EYA2: variants seen among roughly 807,000 people sequenced by gnomAD.
EYA2 encodes protein phosphatase EYA2.
In EYA2, 31 loss-of-function variants were observed where a neutral mutation model predicts 69.2. That is an observed-to-expected ratio of 0.45 (90% CI 0.34 to 0.60). The LOEUF (loss-of-function observed/expected upper bound fraction) is 0.60. Among genes scored for constraint, EYA2 ranks in the 20% least tolerant of loss-of-function variants. The pLI is 0.02. For missense variants in EYA2, 622 were observed against 701.2 expected (o/e 0.89, Z 1.28); for synonymous variants, 257 against 279.4 (o/e 0.92, Z 0.80).
chr20:46,915,439 G>A (rs1984859487), intron 1 of EYA2, among the ~76,000 whole-genome samples: 1 of 152,162 alleles, frequency 6.6e-6, no homozygotes, highest in South Asian at 2.1e-4. Context: ...TGTTATCTAG[G>A]CCAGCCTTTG....
chr20:47,066,620 C>T (rs1480235627), intron 5 of EYA2, among the ~76,000 whole-genome samples: 1 of 152,158 alleles, frequency 6.6e-6, no homozygotes, highest in Non-Finnish European at 1.5e-5. Flanking sequence ...TGCCACTGCC[C>T]TTCAAAATTT....
intron 1 of EYA2, among the ~76,000 whole-genome samples, chr20:46,980,731 A>G (rs1053649988): frequency 1.3e-5 from 2 of 152,112 alleles, no homozygotes; most frequent in African/African-American, 4.8e-5. Context: ...GTATATTTGT[A>G]CCCATTAATC....
intron 1 of EYA2, among the ~76,000 whole-genome samples, chr20:46,924,712 C>G (rs1985339414): frequency 6.8e-6 from 1 of 147,912 alleles, no homozygotes; most frequent in African/African-American, 2.5e-5. Flanking sequence ...TGGGTAATTC[C>G]TTTCCTCTAA....
intron 8 of EYA2, chr20:47,095,991 A>G (rs186042833): frequency 6.0e-4 from 91 of 152,374 alleles, no homozygotes; most frequent in African/African-American, 2.1e-3. Flanking sequence ...GATATCTCCA[A>G]TACAGAGTGT....
chr20:47,023,315 A>G (rs1983867782), intron 5 of EYA2, among the ~76,000 whole-genome samples: 1 of 152,218 alleles, frequency 6.6e-6, no homozygotes, highest in Non-Finnish European at 1.5e-5. Context: ...TATAACTCGG[A>G]AGTTGCATTG....
intron 7 of EYA2, among the ~76,000 whole-genome samples, chr20:47,074,910 G>A (rs1302727433): frequency 2.0e-5 from 3 of 152,144 alleles, no homozygotes; most frequent in East Asian, 1.9e-4. Flanking sequence ...TCAGGAGTTC[G>A]AGACCAGCCT....
At chr20:46,945,515 G>A (rs950303460) in intron 1 of EYA2, among the ~76,000 whole-genome samples, 9 of 152,228 alleles carry the variant, frequency 5.9e-5, no homozygotes, top group Non-Finnish European at 8.8e-5. Context: ...CTTAGTGTTT[G>A]CTAAGCCCTC....
chr20:47,148,721 G>A (rs918045634), intron 10 of EYA2, among the ~76,000 whole-genome samples: 20 of 152,184 alleles, frequency 1.3e-4, no homozygotes, highest in Admixed American at 1.3e-4. Context: ...CCTCTGAAAT[G>A]TCACCTGGGT....
intron 2 of EYA2, among the ~76,000 whole-genome samples, chr20:46,995,700 A>G (rs1981975711): frequency 6.6e-6 from 1 of 152,222 alleles, no homozygotes; most frequent in African/African-American, 2.4e-5. Flanking sequence ...CCTGGGGTCC[A>G]ATTAGGCAAC....
rs550663992 is a variant in EYA2, at chr20:47,039,046, G to A, written c.415+22749G>A. On this transcript the variant is annotated intron_variant, in intron 5 of 15. Transcript: ENST00000327619. ...CTGGCTGAGCCGCAAGAGGCTTGGG[G>A]CCAAGAACTGTGTCCTGTCCCTGAA... Among the ~76,000 whole-genome samples the A allele has an allele frequency of 2.0e-5, 3 of 152,238 alleles. No individual in the cohort carries two copies. In the South Asian group the frequency reaches 6.2e-4, roughly 32 times the overall value.
intron 1 of EYA2, among the ~76,000 whole-genome samples, chr20:46,961,556 A>G (rs1367636629): frequency 2.6e-5 from 4 of 152,208 alleles, no homozygotes; most frequent in African/African-American, 7.2e-5. Context: ...TGTTGAGGAC[A>G]TATCTGCACT....
intron 9 of EYA2, among the ~76,000 whole-genome samples, chr20:47,097,558 A>T (rs2032289415): frequency 6.6e-6 from 1 of 152,212 alleles, no homozygotes; most frequent in Non-Finnish European, 1.5e-5. Flanking sequence ...TCTCCGGCAG[A>T]TGAATTTAAT....
At chr20:47,119,083 A>G (rs963635889) in intron 9 of EYA2, among the ~76,000 whole-genome samples, 2 of 152,084 alleles carry the variant, frequency 1.3e-5, no homozygotes, top group East Asian at 1.9e-4. Flanking sequence ...AATGGGAACA[A>G]TTTTCCTTTA....
At chr20:47,000,464 A>C (rs1284815820) in intron 2 of EYA2, among the ~76,000 whole-genome samples, 1 of 152,160 alleles carries the variant, frequency 6.6e-6, no homozygotes, top group African/African-American at 2.4e-5. Context: ...TGTGATGATG[A>C]CGCAGCCACT....
At chr20:47,019,525 TGA>T (rs1032502729) in intron 5 of EYA2, among the ~76,000 whole-genome samples, 1 of 152,090 alleles carries the variant, frequency 6.6e-6, no homozygotes, top group African/African-American at 2.4e-5. Flanking sequence ...CTCGAACTAC[TGA>T]GAGCATTTCA....
chr20:47,186,872 C>T (rs1285370788), intron 15 of EYA2, among the ~76,000 whole-genome samples: 1 of 152,236 alleles, frequency 6.6e-6, no homozygotes, highest in East Asian at 1.9e-4. Context: ...ATTCTTTCTT[C>T]CATATACATG....
chr20:47,008,927 C>CT (rs1221701425), intron 4 of EYA2, among the ~76,000 whole-genome samples: 3 of 152,254 alleles, frequency 2.0e-5, no homozygotes, highest in Admixed American at 6.5e-5. Context: ...GTGGTAAATA[C>CT]TTTCTACTTT....
At chr20:47,083,570 T>G (rs1600696490) in intron 7 of EYA2, among the ~76,000 whole-genome samples, 1 of 82,022 alleles carries the variant, frequency 1.2e-5, no homozygotes, top group African/African-American at 3.9e-5. Flanking sequence ...AGAGCAAGAG[T>G]CCATCTCAAA....
intron 15 of EYA2, among the ~76,000 whole-genome samples, chr20:47,185,193 C>A (rs1001780507): frequency 6.6e-6 from 1 of 150,440 alleles, no homozygotes; most frequent in Non-Finnish European, 1.5e-5. Context: ...CACTCTGGAA[C>A]CTTTAAGCCT....
Sources: gnomAD v4.1 joint callset for allele counts (sites outside exome capture counted in the v4.1 genomes callset) on GRCh38, gnomAD v4.1.1 for gene constraint, MANE v1.5 for transcripts, NCBI Gene and HGNC (gene_info 2026-07-23, HGNC 2026-07-21) for gene names.